Variants in TTC7B observed in about 807,000 individuals in gnomAD.
TTC7B encodes the protein tetratricopeptide repeat protein 7B.
In TTC7B, 28 loss-of-function variants were observed where a neutral mutation model predicts 106.8. The ratio of observed to expected loss-of-function variants is 0.26; its 90% CI spans 0.19 to 0.36. The LOEUF is 0.36. Among genes scored for constraint, TTC7B ranks in the 10% least tolerant of loss-of-function variants. TTC7B has a pLI of 1.00. For synonymous variants in TTC7B, 405 were observed against 430.6 expected (o/e 0.94, Z 0.74); for missense variants, 862 against 1,076.4 (o/e 0.80, Z 2.79).
rs951338657 is a variant in TTC7B, at chr14:90,608,270, C to T, written c.1966+2472G>A. ...GACACTGTCATTTCAGAATATTTTACCCTCGTTTACAAATATGATAAGGCC... is the reference window on the plus strand; with the variant it reads ...GACACTGTCATTTCAGAATATTTTATCCTCGTTTACAAATATGATAAGGCC... On this transcript the variant is annotated intron_variant, in intron 17 of 19. Coordinates refer to ENST00000328459, the MANE Select transcript of TTC7B (RefSeq NM_001010854.2). The surrounding 1 kb of genome is among the most constrained non-coding windows in gnomAD (Gnocchi z 5.1). Among the ~76,000 whole-genome samples the T allele has an allele frequency of 1.3e-5, 2 of 152,164 alleles. No individual in the cohort carries two copies. Among genetic ancestry groups the T allele is most frequent in the Admixed American group, 6.5e-5 (1 of 15,280 alleles).
chr14:90,746,191 C>T (rs1478530472), intron 3 of TTC7B, among the ~76,000 whole-genome samples: 1 of 152,144 alleles, frequency 6.6e-6, no homozygotes, highest in Non-Finnish European at 1.5e-5. Flanking sequence ...ATAGAATTCA[C>T]CAGTAAAGCC....
chr14:90,644,286 A>ACAC, intron 14 of TTC7B, 78 bp from the exon 15 acceptor site: 5 of 1,142,348 alleles, frequency 4.4e-6, no homozygotes, highest in South Asian at 1.8e-5. Flanking sequence ...CACACGCGCG[A>ACAC]AAGAAGCCAT....
chr14:90,605,292 TTA>T (rs74853910), intron 17 of TTC7B, among the ~76,000 whole-genome samples: 11,134 of 152,246 alleles, frequency 0.073, 452 homozygotes, highest in African/African-American at 0.097. Flanking sequence ...TTTTATGCAT[TTA>T]TATCAACTCC....
chr14:90,689,552 T>A lies in TTC7B; in HGVS notation c.938A>T (p.Tyr313Phe). Residue 313 changes from tyrosine to phenylalanine, a missense_variant, in exon 7 of 20, where the codon TAC becomes TTC. Coordinates refer to ENST00000328459, the MANE Select transcript of TTC7B (RefSeq NM_001010854.2). The stretch of plus-strand genomic sequence containing the variant: ...TCAACTTTCATACTTCTCTCCTGAG[T>A]AGACACGGGCTCTCCGAGTGAGAGT... ...TYTLTRRARV[Y>F]SGENIFCPQE... The A allele has an allele frequency of 6.2e-7, 1 of 1,613,832 alleles. No individual in the cohort carries two copies. Among genetic ancestry groups the A allele is most frequent in the Non-Finnish European group, 8.5e-7 (1 of 1,179,900 alleles).
At chr14:90,756,539 G>A (rs1471266848) in intron 3 of TTC7B, among the ~76,000 whole-genome samples, 2 of 151,826 alleles carry the variant, frequency 1.3e-5, no homozygotes, top group South Asian at 2.1e-4. Flanking sequence ...GACTACAGGC[G>A]TGCGCCACCA....
At chr14:90,599,755 T>C (rs1892354495) in intron 17 of TTC7B, among the ~76,000 whole-genome samples, 1 of 152,370 alleles carries the variant, frequency 6.6e-6, no homozygotes, top group Non-Finnish European at 1.5e-5. Flanking sequence ...GAATTTCTGC[T>C]GTACCTGTTT....
At chr14:90,558,612 C>G (rs1487850767) in intron 19 of TTC7B, among the ~76,000 whole-genome samples, 1 of 152,218 alleles carries the variant, frequency 6.6e-6, no homozygotes, top group Non-Finnish European at 1.5e-5. Context: ...TGAAGGGAGG[C>G]CTGGAACTGA....
chr14:90,617,990 G>A lies in TTC7B; in HGVS notation c.1807C>T (p.Leu603=). 1 of 1,614,060 alleles carries A rather than the reference G, an allele frequency of 6.2e-7. No homozygotes were observed. The highest frequency in any genetic ancestry group is 8.5e-7 in the Non-Finnish European group (1 of 1,179,892). The part of the protein sequence containing the change: ...QSLCRGPDEA[L]LTCKHMLQIW... Reference sequence around the variant, plus strand: ...TGCAGCATGTGCTTACAAGTCAGCAGTGCCTCGTCCGGGCCTCGGCAGAGT... The same window carrying A: ...TGCAGCATGTGCTTACAAGTCAGCAATGCCTCGTCCGGGCCTCGGCAGAGT... Residue 603 remains leucine, a synonymous_variant, in exon 16 of 20, where the codon CTG becomes TTG. Transcript: ENST00000328459.
chr14:90,546,657 C>T (rs925996875), intron 19 of TTC7B, among the ~76,000 whole-genome samples: 2 of 152,230 alleles, frequency 1.3e-5, no homozygotes, highest in Non-Finnish European at 1.5e-5. Flanking sequence ...AGCTCCTGCT[C>T]CCAGCCATCA....
intron 7 of TTC7B, among the ~76,000 whole-genome samples, chr14:90,681,350 A>G (rs964239094): frequency 6.6e-5 from 10 of 152,190 alleles, no homozygotes; most frequent in South Asian, 2.1e-4. Context: ...AGAGAGTGCA[A>G]TAAATAAAAA....
At chr14:90,561,429 C>T (rs549933723) in intron 19 of TTC7B, among the ~76,000 whole-genome samples, 2 of 152,304 alleles carry the variant, frequency 1.3e-5, no homozygotes, top group East Asian at 3.9e-4. Context: ...GGGATGGACA[C>T]CTGGCAAGAG....
chr14:90,653,871 G>A (rs1885837260), intron 12 of TTC7B, among the ~76,000 whole-genome samples: 1 of 152,196 alleles, frequency 6.6e-6, no homozygotes. Flanking sequence ...GTAATGAGGG[G>A]TAGAGTCTGA....
At chr14:90,746,105 T>C (rs1889959459) in intron 3 of TTC7B, among the ~76,000 whole-genome samples, 1 of 152,114 alleles carries the variant, frequency 6.6e-6, no homozygotes, top group Non-Finnish European at 1.5e-5. Context: ...CCTCATAAAA[T>C]GAGAAATATT....
At chr14:90,778,004 C>T (rs1891088442) in intron 3 of TTC7B, among the ~76,000 whole-genome samples, 1 of 152,158 alleles carries the variant, frequency 6.6e-6, no homozygotes, top group Non-Finnish European at 1.5e-5. Flanking sequence ...AAGGAACTTG[C>T]ACAAGGCCCC....
intron 1 of TTC7B, among the ~76,000 whole-genome samples, chr14:90,792,692 C>G (rs1419216560): frequency 1.3e-5 from 2 of 152,146 alleles, no homozygotes; most frequent in Admixed American, 1.3e-4. Flanking sequence ...CACGACACCC[C>G]AGTCTCTCAA....
rs188630849 is a variant in TTC7B at position 90,545,233 on chromosome 14, A to G, written c.2311-3644T>C. Among the ~76,000 whole-genome samples the G allele has an allele frequency of 2.0e-3, 309 of 152,278 alleles. 2 individuals are homozygous for G. Among genetic ancestry groups the G allele is most frequent in the Middle Eastern group, 3.4e-3 (1 of 294 alleles). ...TAAGAGGCAAGCCCCGGGCCAGCAG[A>G]GGAGAGCTCAGTGGAGCTCTCTCAA... is the stretch of plus-strand genomic sequence containing the variant. On this transcript the variant is annotated intron_variant, in intron 19 of 19. Transcript: ENST00000328459.
intron 5 of TTC7B, among the ~76,000 whole-genome samples, chr14:90,718,108 C>T (rs1478641450): frequency 1.3e-5 from 2 of 152,264 alleles, no homozygotes; most frequent in Admixed American, 6.5e-5. Flanking sequence ...CTCTGTCCAG[C>T]TGCACCCCAT....
chr14:90,647,367 C>A (rs541094789), intron 13 of TTC7B: 1 of 206,974 alleles, frequency 4.8e-6, no homozygotes, highest in Admixed American at 5.1e-5. Flanking sequence ...CGTGCTGGGA[C>A]GCAGTGAAGC....
chr14:90,705,236 C>T (rs1027813797), intron 5 of TTC7B, among the ~76,000 whole-genome samples: 4 of 152,212 alleles, frequency 2.6e-5, no homozygotes, highest in Non-Finnish European at 5.9e-5. Context: ...GTCACAGTCA[C>T]TGCCCAGGAA....
Sources: allele counts gnomAD v4.1 joint callset (sites outside exome capture counted in the v4.1 genomes callset), GRCh38; gene constraint gnomAD v4.1.1; non-coding constraint Gnocchi (gnomAD v3.1); transcripts MANE v1.5; gene names NCBI Gene and HGNC (gene_info 2026-07-23, HGNC 2026-07-21).